Variants in MTPAP observed in about 807,000 individuals in gnomAD.
MTPAP encodes the protein mitochondrial poly(A) polymerase.
MTPAP carries 23 observed loss-of-function variants against 48.7 expected under a neutral mutation model. That is an observed-to-expected ratio of 0.47 (90% CI 0.34 to 0.67). The LOEUF is 0.67. MTPAP is among the 30% of genes least tolerant of loss of function. The probability of loss-of-function intolerance (pLI) is 0.01; values close to 1 mark genes in which losing one functional copy is unlikely to be tolerated. For missense variants in MTPAP, 614 were observed against 694.3 expected (o/e 0.88, Z 1.30); for synonymous variants, 257 against 254.1 (o/e 1.01, Z -0.11).
At chr10:30,314,829 G>A (rs1172453139) in intron 8 of MTPAP, among the ~76,000 whole-genome samples, 3 of 136,810 alleles carry the variant, frequency 2.2e-5, no homozygotes, top group Non-Finnish European at 4.5e-5. Flanking sequence ...CCAAGATCAT[G>A]CCACTGCACT....
intron 1 of MTPAP, among the ~76,000 whole-genome samples, chr10:30,347,272 A>C (rs971808593): frequency 1.3e-5 from 2 of 152,240 alleles, no homozygotes; most frequent in African/African-American, 4.8e-5. Flanking sequence ...TTAGAGGCTG[A>C]CCAAAAATGG....
intron 1 of MTPAP, among the ~76,000 whole-genome samples, chr10:30,344,166 A>G (rs1213874797): frequency 6.6e-6 from 1 of 152,150 alleles, no homozygotes; most frequent in Non-Finnish European, 1.5e-5. Context: ...TGCTTGCACC[A>G]TGTCCCATCT....
intron 6 of MTPAP, among the ~76,000 whole-genome samples, chr10:30,318,264 G>A (rs1840683827): frequency 6.6e-6 from 1 of 151,940 alleles, no homozygotes; most frequent in African/African-American, 2.4e-5. Flanking sequence ...GTCAAGACCT[G>A]GTTACCTGCA....
chr10:30,339,977 G>C, intron 3 of MTPAP: 1 of 518,232 alleles, frequency 1.9e-6, no homozygotes, highest in Admixed American at 3.2e-5. Context: ...CATCTCAAAT[G>C]TCAAAACTCA....
At chr10:30,328,817 C>T (rs980172501) in intron 4 of MTPAP, among the ~76,000 whole-genome samples, 1 of 151,948 alleles carries the variant, frequency 6.6e-6, no homozygotes, top group African/African-American at 2.4e-5. Context: ...GCCATATTTA[C>T]ACAAGCATGA....
At chr10:30,318,018 C>T (rs1270725067) in intron 6 of MTPAP, among the ~76,000 whole-genome samples, 2 of 152,076 alleles carry the variant, frequency 1.3e-5, no homozygotes, top group Non-Finnish European at 2.9e-5. Context: ...CCACCACACC[C>T]GGCTAATTTT....
At chr10:30,335,916 G>A (rs1354608819) in intron 4 of MTPAP, among the ~76,000 whole-genome samples, 1 of 152,070 alleles carries the variant, frequency 6.6e-6, no homozygotes, top group Non-Finnish European at 1.5e-5. Flanking sequence ...GGCTGAGGCA[G>A]GAGAAATCAC....
intron 1 of MTPAP, among the ~76,000 whole-genome samples, chr10:30,348,645 G>A (rs1266757689): frequency 6.6e-6 from 1 of 152,166 alleles, no homozygotes; most frequent in Non-Finnish European, 1.5e-5. Context: ...GTAAACGGCA[G>A]TACATTTCAT....
intron 1 of MTPAP, 69 bp downstream of exon 1, chr10:30,349,033 CGTTTCCACAGGCCACGT>C (rs1834903077): frequency 6.3e-7 from 1 of 1,592,084 alleles, no homozygotes; most frequent in East Asian, 2.2e-5. Flanking sequence ...GGTCCACAGC[CGTTTCCACAGGCCACGT>C]GTTTCCCCGT....
chr10:30,311,668 T>C lies in MTPAP; in HGVS notation c.*1941A>G, dbSNP rs1840594240. On this transcript the variant is annotated 3_prime_UTR_variant, in exon 9 of 9. Coordinates refer to ENST00000263063, the MANE Select transcript of MTPAP (RefSeq NM_018109.4). Reference sequence around the variant, plus strand: ...TCAAGTCTGTTTTTAAACACTATACTACTTGCTTCTTTTCCTTTGAGAGAG... The same window carrying C: ...TCAAGTCTGTTTTTAAACACTATACCACTTGCTTCTTTTCCTTTGAGAGAG... The C allele has an allele frequency of 6.6e-6, 1 of 152,316 alleles. No homozygotes were observed. The highest frequency in any genetic ancestry group is 6.5e-5 in the Admixed American group (1 of 15,286). 9.4% of individuals were successfully genotyped at this position (152,316 alleles called of 1,614,324 possible). A position where few individuals can be genotyped will look rare whatever the true frequency, so the allele number is the denominator to read the frequency against.
At chr10:30,335,415 G>T (rs913817505) in intron 4 of MTPAP, among the ~76,000 whole-genome samples, 1 of 152,154 alleles carries the variant, frequency 6.6e-6, no homozygotes, top group African/African-American at 2.4e-5. Flanking sequence ...GAACTTGGAA[G>T]GCGGAAGTTG....
chr10:30,328,593 A>C lies in MTPAP; in HGVS notation c.781-1958T>G, dbSNP rs531279205. 1.6e-4 allele frequency among the ~76,000 whole-genome samples: 25 copies of C among 152,274 alleles called. No individual in the cohort carries two copies. In the South Asian group the frequency reaches 5.0e-3, roughly 30 times the overall value. The stretch of plus-strand genomic sequence containing the variant: ...CTCTTCTAGAATTCATTCCTCCTAA[A>C]AGGATGAAGGCTCCAACAATGTTTA... On this transcript the variant is annotated intron_variant, in intron 4 of 8. Coordinates refer to ENST00000263063, the MANE Select transcript of MTPAP (RefSeq NM_018109.4).
Position 30,336,872 on chromosome 10 carries a change from A to G in MTPAP, c.711T>C (p.Phe237=), listed in dbSNP as rs768423696. The G allele has an allele frequency of 6.2e-7, 1 of 1,612,880 alleles. No homozygotes were observed. Among genetic ancestry groups the G allele is most frequent in the South Asian group, 1.1e-5 (1 of 91,010 alleles). ...VRPFGSSVNT[F]GKLGCDLDMF... ...TGTCCAAATCACATCCTAACTTCCC[A>G]AAAGTGTTGACTGAGGAGCCAAAGG... The change falls in exon 4 of 9, where the codon TTT becomes TTC. Residue 237 remains phenylalanine, a synonymous_variant. Coordinates refer to ENST00000263063, the MANE Select transcript of MTPAP (RefSeq NM_018109.4).
chr10:30,313,574 G>GTT lies in MTPAP; in HGVS notation c.*34_*35insAA. 2 of 1,613,516 alleles carry GTT rather than the reference G, an allele frequency of 1.2e-6. No homozygotes were observed. The highest frequency in any genetic ancestry group is 1.6e-4 in the Middle Eastern group (1 of 6,062). Reference sequence around the variant, plus strand: ...AAGTAAGTCCACAGACCATTTGATAGGCTAAGCCCAGTTCTTTACACAATG... The same window carrying GTT: ...AAGTAAGTCCACAGACCATTTGATAGTTGCTAAGCCCAGTTCTTTACACAATG... On this transcript the variant is annotated 3_prime_UTR_variant, in exon 9 of 9. Transcript: ENST00000263063.
Position 30,340,285 on chromosome 10 carries a change from T to G in MTPAP, c.496A>C (p.Ser166Arg). ...QTSERSRVRS[S>R]NQLPRSNKQL... is the part of the protein sequence containing the mutation. ...TTGTTTGAACGTGGCAACTGATTAC[T>G]TGACCGTACGCGTGACCGTTCAGAA... Residue 166 changes from serine (S) to arginine (R), a missense_variant, in exon 3 of 9, where the codon AGT becomes CGT. Physicochemically the swap from Ser to Arg is moderately radical, Grantham distance 110 (BLOSUM62 -1). Coordinates refer to ENST00000263063, the MANE Select transcript of MTPAP (RefSeq NM_018109.4). 3 of 1,614,238 alleles carry G rather than the reference T, an allele frequency of 1.9e-6. No homozygotes were observed. The highest frequency in any genetic ancestry group is 2.5e-6 in the Non-Finnish European group (3 of 1,180,036).
At position 30,338,552 on chromosome 10, in the gene MTPAP, GTAA is replaced by G. The variant is rs955291680; in HGVS notation, c.556-1528_556-1526del. Among the ~76,000 whole-genome samples the G allele has an allele frequency of 1.4e-4, 21 of 152,106 alleles. No homozygotes were observed. The Middle Eastern group carries it at 0.014, about 99-fold the overall frequency. On this transcript the variant is annotated intron_variant, in intron 3 of 8. Transcript: ENST00000263063. Reference sequence around the variant, plus strand: ...TAGCCAGGTGTGATGGCGCGTGCCTGTAATCCCTGCTACTTGGGAGGCTGAGGC... The same window carrying G: ...TAGCCAGGTGTGATGGCGCGTGCCTGTCCCTGCTACTTGGGAGGCTGAGGC...
rs779815243 is a variant in MTPAP at position 30,310,240 on chromosome 10, A to G, written c.*3369T>C. On this transcript the variant is annotated 3_prime_UTR_variant, in exon 9 of 9. Transcript: ENST00000263063. ...TGATACACTAAAGTTATGAGAAAAT[A>G]TATTTGTCTGTAGTCTATATTCAGT... 6.6e-6 allele frequency: 1 copy of G among 152,232 alleles called. No individual in the cohort carries two copies. The highest frequency in any genetic ancestry group is 2.1e-4 in the South Asian group (1 of 4,834). The allele number at this position is 152,232 out of a possible 1,614,324, so 9.4% of individuals were successfully genotyped here. A position where few individuals can be genotyped will look rare whatever the true frequency, so the allele number is the denominator to read the frequency against.
intron 1 of MTPAP, among the ~76,000 whole-genome samples, chr10:30,345,374 T>C (rs1054827335): frequency 2.6e-5 from 4 of 152,234 alleles, no homozygotes; most frequent in African/African-American, 9.6e-5. Flanking sequence ...CAAACAATGC[T>C]GCAATGTCAT....
chr10:30,329,760 C>G (rs1228379850), intron 4 of MTPAP, among the ~76,000 whole-genome samples: 1 of 151,650 alleles, frequency 6.6e-6, no homozygotes, highest in African/African-American at 2.4e-5. Context: ...TTGGCACTTT[C>G]ACTGAAAGAG....
Sources: allele counts gnomAD v4.1 joint callset (sites outside exome capture counted in the v4.1 genomes callset), GRCh38; gene constraint gnomAD v4.1.1; transcripts MANE v1.5; gene names NCBI Gene and HGNC (gene_info 2026-07-23, HGNC 2026-07-21).